The following FGF12 variants were observed in gnomAD, a reference collection of about 807,000 sequenced individuals.
FGF12 encodes the protein fibroblast growth factor 12B.
A neutral mutation model predicts 23.6 loss-of-function variants in FGF12; 14 were observed. The ratio of observed to expected loss-of-function variants is 0.59; its 90% CI spans 0.39 to 0.93. The LOEUF (loss-of-function observed/expected upper bound fraction) is 0.93, where lower values mean the gene tolerates loss of function less well. Among genes scored for constraint, FGF12 ranks in the 40% least tolerant of loss-of-function variants. The pLI, the probability that FGF12 is intolerant of heterozygous loss-of-function variation, is 0.00. For missense variants in FGF12, 175 were observed against 217.8 expected, an observed-to-expected ratio of 0.80 and a Z score of 1.24; for synonymous variants, 62 against 77.3, an observed-to-expected ratio of 0.80 and a Z score of 1.04.
intron 4 of FGF12, among the ~76,000 whole-genome samples, chr3:192,333,000 T>C (rs1011643555): frequency 6.6e-6 from 1 of 152,072 alleles, no homozygotes; most frequent in Non-Finnish European, 1.5e-5. Context: ...AAAATACAGA[T>C]ACCCCAATAG....
Position 192,185,270 on chromosome 3 carries a change from C to T in FGF12, c.229-14614G>A, listed in dbSNP as rs544800953. Among the ~76,000 whole-genome samples the T allele has an allele frequency of 5.3e-5, 8 of 152,256 alleles. No individual in the cohort carries two copies. In the East Asian group the frequency reaches 7.7e-4, roughly 15 times the overall value. On this transcript the variant is annotated intron_variant, in intron 4 of 5. Transcript: ENST00000445105. Reference sequence around the variant, plus strand: ...ACTATATAGAACTCACTTGAGACCCCGGCCTCTGTCTTATTTCTCACTGAA... The same window carrying T: ...ACTATATAGAACTCACTTGAGACCCTGGCCTCTGTCTTATTTCTCACTGAA...
intron 4 of FGF12, among the ~76,000 whole-genome samples, chr3:192,273,410 C>T (rs1276634660): frequency 1.3e-5 from 2 of 152,076 alleles, no homozygotes; most frequent in Non-Finnish European, 2.9e-5. Context: ...CCAAGTTTCC[C>T]TGGGGCTGAA....
rs1250192378 is a variant in FGF12 at position 192,141,712 on chromosome 3, AAATAT to A, written c.*2292_*2296del. ...TATTTTTTTCATAACAAACTTAATT[AAATAT>A]ATTTTGTCATGAAATCATAATTGTA... is the stretch of plus-strand genomic sequence containing the variant. On this transcript the variant is annotated 3_prime_UTR_variant, in exon 6 of 6. Coordinates refer to ENST00000445105, the MANE Select transcript of FGF12 (RefSeq NM_004113.6). 1.5e-4 allele frequency: 23 copies of A among 152,094 alleles called. No homozygotes were observed. In the East Asian group the frequency reaches 4.4e-3, roughly 29 times the overall value. 9.4% of individuals were successfully genotyped at this position (152,094 alleles called of 1,614,324 possible).
At chr3:192,560,299 A>T (rs887991656) in intron 2 of FGF12, among the ~76,000 whole-genome samples, 1 of 152,030 alleles carries the variant, frequency 6.6e-6, no homozygotes, top group Non-Finnish European at 1.5e-5. Flanking sequence ...TCTAAGGATT[A>T]CTTTAAGAAG....
intron 2 of FGF12, among the ~76,000 whole-genome samples, chr3:192,398,595 T>G (rs2073046893): frequency 6.6e-6 from 1 of 152,152 alleles, no homozygotes; most frequent in African/African-American, 2.4e-5. Context: ...TTGACCAGAC[T>G]GGTCTCGAAC....
intron 2 of FGF12, among the ~76,000 whole-genome samples, chr3:192,721,247 T>C (rs2108746968): frequency 6.6e-6 from 1 of 152,362 alleles, no homozygotes; most frequent in East Asian, 1.9e-4. Context: ...AGTCAGATTA[T>C]AATTCTAAAG....
chr3:192,273,619 A>G (rs1713589240), intron 4 of FGF12, among the ~76,000 whole-genome samples: 1 of 152,120 alleles, frequency 6.6e-6, no homozygotes, highest in African/African-American at 2.4e-5. Flanking sequence ...AAGGTGGTAA[A>G]TATTCTTCCC....
intron 3 of FGF12, among the ~76,000 whole-genome samples, chr3:192,358,827 A>G (rs184235957): frequency 2.3e-3 from 349 of 152,038 alleles, no homozygotes; most frequent in Non-Finnish European, 4.1e-3. Flanking sequence ...TAATTTTTCA[A>G]TTTTTTTTAA....
At chr3:192,584,941 A>G (rs1379026515) in intron 2 of FGF12, among the ~76,000 whole-genome samples, 2 of 152,082 alleles carry the variant, frequency 1.3e-5, no homozygotes. Context: ...CTGCTTTTCA[A>G]TAGTGTATGC....
At chr3:192,237,901 C>G (rs1324425069) in intron 4 of FGF12, 2 of 152,228 alleles carry the variant, frequency 1.3e-5, no homozygotes, top group Non-Finnish European at 2.9e-5. Context: ...AGAAGACACT[C>G]TGGCTTTAAG....
intron 4 of FGF12, among the ~76,000 whole-genome samples, chr3:192,334,105 A>C (rs1717268086): frequency 6.6e-6 from 1 of 152,086 alleles, no homozygotes; most frequent in Non-Finnish European, 1.5e-5. Context: ...CAGGGAAGAG[A>C]CCAAAGGTAA....
chr3:192,528,146 G>C (rs1220846394), intron 2 of FGF12, among the ~76,000 whole-genome samples: 1 of 152,096 alleles, frequency 6.6e-6, no homozygotes, highest in Non-Finnish European at 1.5e-5. Flanking sequence ...TAACTCAAAA[G>C]TCCACAGTCC....
intron 2 of FGF12, among the ~76,000 whole-genome samples, chr3:192,548,304 AT>A (rs1725546791): frequency 6.6e-6 from 1 of 152,172 alleles, no homozygotes; most frequent in African/African-American, 2.4e-5. Flanking sequence ...ATGTTTAAAA[AT>A]ATAAAACACG....
At chr3:192,600,365 G>C (rs1037902139) in intron 2 of FGF12, among the ~76,000 whole-genome samples, 2 of 151,758 alleles carry the variant, frequency 1.3e-5, no homozygotes, top group African/African-American at 4.8e-5. Context: ...AATCGTTTTG[G>C]CTATTTGGGG....
chr3:192,242,022 G>GA lies in FGF12; in HGVS notation c.229-71367dup, dbSNP rs1560030737. The stretch of plus-strand genomic sequence containing the variant: ...TGGGGTACAGCTGAGGCAGTGTTCA[G>GA]AAAAACAAATCACTGCATTAAATAT... On this transcript the variant is annotated intron_variant, in intron 4 of 5. Coordinates refer to ENST00000445105, the MANE Select transcript of FGF12 (RefSeq NM_004113.6). Among the ~76,000 whole-genome samples, 5 of 152,112 alleles carry GA rather than the reference G, an allele frequency of 3.3e-5. 1 individual carries two copies. The South Asian group carries it at 1.0e-3, about 32-fold the overall frequency.
intron 2 of FGF12, among the ~76,000 whole-genome samples, chr3:192,415,776 A>ACACACACACT (rs1048145236): frequency 1.2e-3 from 176 of 143,604 alleles, no homozygotes; most frequent in African/African-American, 2.1e-3. Flanking sequence ...ACACACACAC[A>ACACACACACT]CTCATGTTCA....
At chr3:192,722,611 C>T (rs1719074251) in intron 2 of FGF12, among the ~76,000 whole-genome samples, 1 of 152,166 alleles carries the variant, frequency 6.6e-6, no homozygotes, top group Non-Finnish European at 1.5e-5. Flanking sequence ...GGGAGCCCTC[C>T]TGGTAGCTAA....
chr3:192,491,902 G>C (rs1177332831), intron 2 of FGF12, among the ~76,000 whole-genome samples: 3 of 152,112 alleles, frequency 2.0e-5, no homozygotes, highest in Non-Finnish European at 2.9e-5. Context: ...CGCTCAGATA[G>C]GATCAAGGTA....
At chr3:192,515,732 T>G (rs939814525) in intron 2 of FGF12, among the ~76,000 whole-genome samples, 24 of 152,166 alleles carry the variant, frequency 1.6e-4, no homozygotes, top group Middle Eastern at 6.8e-3. Context: ...TTGGCGCCAG[T>G]ATTCTGGCAG....
Sources: gnomAD v4.1 joint callset for allele counts (sites outside exome capture counted in the v4.1 genomes callset) on GRCh38, gnomAD v4.1.1 for gene constraint, MANE v1.5 for transcripts, NCBI Gene and HGNC (gene_info 2026-07-23, HGNC 2026-07-21) for gene names.